Variants in OTUD7A observed in about 807,000 individuals in gnomAD.
OTUD7A encodes OTU deubiquitinase 7A.
OTUD7A carries 12 observed loss-of-function variants against 65.7 expected under a neutral mutation model. That is an observed-to-expected ratio of 0.18 (90% CI 0.12 to 0.30). The LOEUF (loss-of-function observed/expected upper bound fraction) is 0.30, where lower values mean the gene tolerates loss of function less well. Ranked by LOEUF, OTUD7A falls within the 10% of genes least tolerant of loss-of-function variation. OTUD7A has a pLI of 1.00. For synonymous variants in OTUD7A, 641 were observed against 586.3 expected (o/e 1.09, Z -1.35); for missense variants, 1,148 against 1,304.8 (o/e 0.88, Z 1.85).
intron 1 of OTUD7A, among the ~76,000 whole-genome samples, chr15:31,744,796 A>G (rs1427707848): frequency 2.0e-5 from 3 of 152,134 alleles, no homozygotes; most frequent in Non-Finnish European, 4.4e-5. Context: ...TAAAAGCTCT[A>G]TAATTAATAA....
At chr15:31,586,315 T>A (rs1457958103) in intron 3 of OTUD7A, among the ~76,000 whole-genome samples, 2 of 152,234 alleles carry the variant, frequency 1.3e-5, no homozygotes, top group Admixed American at 1.3e-4. Flanking sequence ...CTAAATTCCA[T>A]ACATACAGTG....
At chr15:31,676,594 C>T (rs919211731) in intron 1 of OTUD7A, among the ~76,000 whole-genome samples, 32 of 152,272 alleles carry the variant, frequency 2.1e-4, no homozygotes, top group Middle Eastern at 3.4e-3. Context: ...CCATGAGGGA[C>T]GGGTCAAGAG....
At chr15:31,815,593 C>T (rs1351270260) in intron 1 of OTUD7A, among the ~76,000 whole-genome samples, 1 of 152,248 alleles carries the variant, frequency 6.6e-6, no homozygotes, top group Non-Finnish European at 1.5e-5. Context: ...GGGGCTGGAA[C>T]TGTGTGAGTT....
intron 3 of OTUD7A, among the ~76,000 whole-genome samples, chr15:31,595,368 G>A (rs933104206): frequency 6.6e-6 from 1 of 152,230 alleles, no homozygotes; most frequent in Admixed American, 6.5e-5. Context: ...ATTACCTCCA[G>A]TTCCACACAC....
At chr15:31,507,360 T>G (rs1232627066) in intron 8 of OTUD7A, among the ~76,000 whole-genome samples, 3 of 152,124 alleles carry the variant, frequency 2.0e-5, no homozygotes, top group Admixed American at 6.6e-5. Context: ...GTATGTTTTT[T>G]TTGTGTGTGT....
At chr15:31,819,433 G>A (rs1024314422) in intron 1 of OTUD7A, among the ~76,000 whole-genome samples, 17 of 152,138 alleles carry the variant, frequency 1.1e-4, no homozygotes, top group African/African-American at 4.1e-4. Context: ...GTAAAAAAAT[G>A]TAGACCTGCA....
intron 1 of OTUD7A, among the ~76,000 whole-genome samples, chr15:31,835,930 A>T (rs1414275698): frequency 7.1e-6 from 1 of 141,186 alleles, no homozygotes; most frequent in East Asian, 2.2e-4. Context: ...CTAGATGAGG[A>T]TCCCTAATCT....
At position 31,701,327 on chromosome 15, in the gene OTUD7A, C is replaced by T. The variant is rs1304831575; in HGVS notation, c.-99-44250G>A. Among the ~76,000 whole-genome samples, 5 of 151,036 alleles carry T rather than the reference C, an allele frequency of 3.3e-5. No homozygotes were observed. In the East Asian group the frequency reaches 7.8e-4, roughly 24 times the overall value. ...TAAAGTGTTAACATTTGGAAAAACT[C>T]GGTGAAAGGTAAATGGGAACTCTAA... is the stretch of plus-strand genomic sequence containing the variant. On this transcript the variant is annotated intron_variant, in intron 1 of 12. Transcript: ENST00000307050.
At chr15:31,591,863 G>A (rs1889734867) in intron 3 of OTUD7A, among the ~76,000 whole-genome samples, 3 of 152,162 alleles carry the variant, frequency 2.0e-5, no homozygotes, top group Admixed American at 2.0e-4. Context: ...AACCTAGATG[G>A]CATAGACTAC....
intron 1 of OTUD7A, among the ~76,000 whole-genome samples, chr15:31,855,417 A>G (rs991008164): frequency 6.6e-6 from 1 of 152,222 alleles, no homozygotes; most frequent in Non-Finnish European, 1.5e-5. Flanking sequence ...TGAGTGTGCC[A>G]TGAGCCATGT....
At chr15:31,550,853 A>C (rs957563456) in intron 5 of OTUD7A, among the ~76,000 whole-genome samples, 2 of 152,190 alleles carry the variant, frequency 1.3e-5, no homozygotes, top group Non-Finnish European at 2.9e-5. Flanking sequence ...AGTGTTCAGC[A>C]GGTGTCTGGG....
At chr15:31,682,234 G>C (rs985336942) in intron 1 of OTUD7A, among the ~76,000 whole-genome samples, 5 of 152,206 alleles carry the variant, frequency 3.3e-5, no homozygotes, top group African/African-American at 1.2e-4. Flanking sequence ...TCAGACAAAA[G>C]AGACCAAAAT....
intron 12 of OTUD7A, among the ~76,000 whole-genome samples, chr15:31,485,188 C>T (rs918284790): frequency 6.6e-6 from 1 of 152,190 alleles, no homozygotes. Flanking sequence ...CCCAGGCTGG[C>T]CTCTGTAAGG....
intron 1 of OTUD7A, among the ~76,000 whole-genome samples, chr15:31,677,908 G>T (rs1484241945): frequency 6.6e-6 from 1 of 152,214 alleles, no homozygotes; most frequent in African/African-American, 2.4e-5. Context: ...AAGACAGGAA[G>T]ATGTGGGAAA....
chr15:31,564,584 T>G (rs1888805381), intron 4 of OTUD7A, among the ~76,000 whole-genome samples: 1 of 151,944 alleles, frequency 6.6e-6, no homozygotes, highest in Admixed American at 6.6e-5. Context: ...TTAAAAATAA[T>G]AGGAAGAAAA....
chr15:31,791,436 T>C (rs1895812795), intron 1 of OTUD7A, among the ~76,000 whole-genome samples: 1 of 152,180 alleles, frequency 6.6e-6, no homozygotes, highest in Non-Finnish European at 1.5e-5. Flanking sequence ...TATTCCATCA[T>C]CCCACCTTCT....
chr15:31,590,344 TA>T (rs1317907255), intron 3 of OTUD7A, among the ~76,000 whole-genome samples: 2 of 152,256 alleles, frequency 1.3e-5, no homozygotes, highest in African/African-American at 4.8e-5. Context: ...ACATGTCTCA[TA>T]AGGTATTTCT....
chr15:31,479,864 G>A lies in OTUD7A; in HGVS notation c.*3430C>T, dbSNP rs890954769. On this transcript the variant is annotated 3_prime_UTR_variant, in exon 13 of 13. Transcript: ENST00000307050. ...ATTCGATTTGTAAATAGATTCAAAT[G>A]CCACTGGGTGGTAATAGGTATGAAA... is the stretch of plus-strand genomic sequence containing the variant. 5 of 152,200 alleles carry A rather than the reference G, an allele frequency of 3.3e-5. No individual in the cohort carries two copies. The highest frequency in any genetic ancestry group is 5.9e-5 in the Non-Finnish European group (4 of 68,030). The allele number at this position is 152,200 out of a possible 1,614,324, so 9.4% of individuals were successfully genotyped here. A position where few individuals can be genotyped will look rare whatever the true frequency, so the allele number is the denominator to read the frequency against.
intron 8 of OTUD7A, among the ~76,000 whole-genome samples, chr15:31,524,022 C>CT (rs2041974415): frequency 6.6e-6 from 1 of 152,214 alleles, no homozygotes; most frequent in South Asian, 2.1e-4. Context: ...TTCCAAAGGC[C>CT]TCCCTCCTTG....
Sources: gnomAD v4.1 joint callset for allele counts (sites outside exome capture counted in the v4.1 genomes callset) on GRCh38, gnomAD v4.1.1 for gene constraint, MANE v1.5 for transcripts, NCBI Gene and HGNC (gene_info 2026-07-23, HGNC 2026-07-21) for gene names.